RPH3A: variants seen among roughly 807,000 people sequenced by gnomAD.
The protein encoded by RPH3A is rabphilin-3A.
In RPH3A, 48 loss-of-function variants were observed where a neutral mutation model predicts 102.2. The observed-to-expected ratio is 0.47, with a 90% CI of 0.37 to 0.60. RPH3A has a LOEUF of 0.60. RPH3A is among the 20% of genes least tolerant of loss of function. The pLI is 0.00. For missense variants in RPH3A, 781 were observed against 910.1 expected, an observed-to-expected ratio of 0.86 and a Z score of 1.83; for synonymous variants, 310 against 324.3, an observed-to-expected ratio of 0.96 and a Z score of 0.47.
At chr12:112,847,876 T>A (rs1166811048) in intron 5 of RPH3A, 34 bp downstream of exon 5, 1 of 1,607,640 alleles carries the variant, frequency 6.2e-7, no homozygotes, top group Middle Eastern at 1.7e-4. Context: ...ACCCCAGAGC[T>A]GCTGTGGCAG....
intron 1 of RPH3A, among the ~76,000 whole-genome samples, chr12:112,608,878 T>A (rs934785019): frequency 6.6e-6 from 1 of 152,224 alleles, no homozygotes; most frequent in Non-Finnish European, 1.5e-5. Context: ...TAGATTGACA[T>A]CAGTAAGTCC....
At chr12:112,893,920 C>T (rs2043139537) in intron 19 of RPH3A, 1 of 152,366 alleles carries the variant, frequency 6.6e-6, no homozygotes. Context: ...ACAGTTTGCT[C>T]AAAGGCCCTT....
At chr12:112,616,088 C>T (rs997175704) in intron 1 of RPH3A, among the ~76,000 whole-genome samples, 2 of 152,156 alleles carry the variant, frequency 1.3e-5, no homozygotes, top group African/African-American at 4.8e-5. Context: ...CTGTTGTCTT[C>T]CATCCTCAGA....
intron 1 of RPH3A, among the ~76,000 whole-genome samples, chr12:112,712,972 TC>T (rs2040481124): frequency 1.8e-5 from 2 of 114,136 alleles, no homozygotes; most frequent in African/African-American, 5.8e-5. Context: ...TCTTTCTTCT[TC>T]TTTCTTCTTC....
In RPH3A at chr12:112,876,771, C is replaced by T; in HGVS notation, c.1076C>T (p.Ala359Val). Residue 359 changes from alanine (A) to valine (V), a missense_variant, in exon 13 of 22, where the codon GCA becomes GTA. Transcript: ENST00000389385. Reference protein sequence around the residue: ...MSHPSGPYSQASAAAPQPAAA... With the variant: ...MSHPSGPYSQVSAAAPQPAAA... ...CACCCCTCCGGACCCTATTCCCAAGCATCTGCAGCTGCCCCCCAGCCTGCT... is the reference window on the plus strand; with the variant it reads ...CACCCCTCCGGACCCTATTCCCAAGTATCTGCAGCTGCCCCCCAGCCTGCT... The T allele has an allele frequency of 6.2e-7, 1 of 1,612,320 alleles. No homozygotes were observed. Among genetic ancestry groups the T allele is most frequent in the Non-Finnish European group, 8.5e-7 (1 of 1,179,232 alleles).
At chr12:112,864,375 C>G (rs560361895) in intron 5 of RPH3A, among the ~76,000 whole-genome samples, 1 of 148,406 alleles carries the variant, frequency 6.7e-6, no homozygotes, top group South Asian at 2.1e-4. Context: ...TGCTTGAACC[C>G]GGGAGGCAGA....
chr12:112,628,734 C>T (rs1386064020), intron 1 of RPH3A, among the ~76,000 whole-genome samples: 1 of 151,662 alleles, frequency 6.6e-6, no homozygotes, highest in East Asian at 1.9e-4. Flanking sequence ...GAGACCCCAT[C>T]TCTGAAAAAA....
At chr12:112,774,754 A>G (rs1424077746) in intron 1 of RPH3A, among the ~76,000 whole-genome samples, 1 of 151,362 alleles carries the variant, frequency 6.6e-6, no homozygotes, top group Non-Finnish European at 1.5e-5. Flanking sequence ...AGGGAGGGGA[A>G]CAACACACAC....
At chr12:112,715,448 C>T (rs1275798912) in intron 1 of RPH3A, among the ~76,000 whole-genome samples, 1 of 152,154 alleles carries the variant, frequency 6.6e-6, no homozygotes, top group East Asian at 1.9e-4. Flanking sequence ...CAAATGTAAG[C>T]ACCATAAGAG....
At chr12:112,605,665 T>C (rs887503122) in intron 1 of RPH3A, among the ~76,000 whole-genome samples, 2 of 152,220 alleles carry the variant, frequency 1.3e-5, no homozygotes, top group Admixed American at 1.3e-4. Context: ...GCTCTTTCTA[T>C]ATCTGCCCAG....
Position 112,890,952 on chromosome 12 carries a change from T to G in RPH3A, c.1724T>G (p.Val575Gly). The change falls in exon 19 of 22, where the codon GTG (valine) becomes GGG (glycine). Residue 575 changes from valine to glycine, a missense_variant. Around this residue, in one of 2 missense-constraint regions of RPH3A, gnomAD observed 730 missense variants for 810.0 expected, o/e 0.90. Transcript: ENST00000389385. ...CTCATTGTGGGCATCATACGCTGCG[T>G]GCACCTGGCTGCCATGGACGCTAAT... The part of the protein sequence containing the change: ...GGLIVGIIRC[V>G]HLAAMDANGY... The G allele has an allele frequency of 6.2e-7, 1 of 1,614,164 alleles. No individual in the cohort carries two copies. Among genetic ancestry groups the G allele is most frequent in the South Asian group, 1.1e-5 (1 of 91,064 alleles).
intron 1 of RPH3A, among the ~76,000 whole-genome samples, chr12:112,734,675 C>T (rs1055041578): frequency 7.2e-5 from 11 of 152,108 alleles, no homozygotes; most frequent in East Asian, 3.9e-4. Flanking sequence ...GTGGATTATT[C>T]GTGAGTTTTC....
chr12:112,830,127 C>T (rs1241684199), intron 3 of RPH3A, among the ~76,000 whole-genome samples: 1 of 152,078 alleles, frequency 6.6e-6, no homozygotes, highest in African/African-American at 2.4e-5. Flanking sequence ...ATATTTACCT[C>T]TTTAATATAA....
chr12:112,829,453 G>A (rs747925121), intron 3 of RPH3A, among the ~76,000 whole-genome samples: 1 of 151,826 alleles, frequency 6.6e-6, no homozygotes, highest in Non-Finnish European at 1.5e-5. Context: ...ATTTCTTTTT[G>A]TAGAGATAGG....
chr12:112,702,679 G>A (rs1328209296), intron 1 of RPH3A, among the ~76,000 whole-genome samples: 1 of 152,212 alleles, frequency 6.6e-6, no homozygotes, highest in South Asian at 2.1e-4. Flanking sequence ...TGGACCAAGG[G>A]TCTGGGCCCC....
intron 16 of RPH3A, among the ~76,000 whole-genome samples, chr12:112,884,262 T>G (rs570378562): frequency 6.9e-4 from 105 of 152,232 alleles, no homozygotes; most frequent in Non-Finnish European, 1.1e-3. Flanking sequence ...TATTTTGCTG[T>G]GTTTGCGTCA....
chr12:112,796,167 G>T (rs1435332714), intron 2 of RPH3A, among the ~76,000 whole-genome samples: 1 of 152,212 alleles, frequency 6.6e-6, no homozygotes, highest in African/African-American at 2.4e-5. Context: ...GGAGTCATGA[G>T]CCTGGGGGGT....
intron 1 of RPH3A, among the ~76,000 whole-genome samples, chr12:112,651,304 T>C (rs1292842574): frequency 1.3e-5 from 2 of 151,574 alleles, no homozygotes; most frequent in East Asian, 1.9e-4. Context: ...AGGTGGAGGC[T>C]GTAGTGAGCA....
At chr12:112,595,350 C>T (rs1463563874) in intron 1 of RPH3A, among the ~76,000 whole-genome samples, 1 of 152,116 alleles carries the variant, frequency 6.6e-6, no homozygotes, top group Non-Finnish European at 1.5e-5. Flanking sequence ...CCTAGCCTAA[C>T]CTGACATGAT....
Sources: allele counts gnomAD v4.1 joint callset (sites outside exome capture counted in the v4.1 genomes callset), GRCh38; gene constraint gnomAD v4.1.1; regional missense constraint gnomAD v4.1.1; transcripts MANE v1.5; gene names NCBI Gene and HGNC (gene_info 2026-07-23, HGNC 2026-07-21).